Variants in SCML4 observed in about 807,000 individuals in gnomAD.
SCML4 encodes the protein Scm polycomb group protein like 4.
In SCML4, 34 loss-of-function variants were observed where a neutral mutation model predicts 41.1. That is an observed-to-expected ratio of 0.83 (90% confidence interval 0.63 to 1.10). The LOEUF (loss-of-function observed/expected upper bound fraction) is 1.10, where lower values mean the gene tolerates loss of function less well. Among genes scored for constraint, SCML4 ranks in the 50% least tolerant of loss-of-function variants. The pLI is 0.00. For synonymous variants in SCML4, 214 were observed against 220.9 expected, an observed-to-expected ratio of 0.97 and a Z score of 0.28; for missense variants, 522 against 534.1, an observed-to-expected ratio of 0.98 and a Z score of 0.22.
At chr6:107,760,160 T>C (rs1562228364) in intron 2 of SCML4, among the ~76,000 whole-genome samples, 1 of 152,202 alleles carries the variant, frequency 6.6e-6, no homozygotes, top group African/African-American at 2.4e-5. Context: ...TTAGAAGAAA[T>C]GTAGCATTCT....
chr6:107,795,258 A>G (rs763144515), intron 1 of SCML4, among the ~76,000 whole-genome samples: 4 of 152,218 alleles, frequency 2.6e-5, no homozygotes, highest in Non-Finnish European at 5.9e-5. Context: ...TTCTTGCTAT[A>G]TCCTTGGGGA....
intron 1 of SCML4, among the ~76,000 whole-genome samples, chr6:107,787,937 T>G (rs1480402119): frequency 6.6e-6 from 1 of 152,230 alleles, no homozygotes; most frequent in African/African-American, 2.4e-5. Context: ...TTGTTACTGC[T>G]ATGTAATGAC....
chr6:107,748,853 T>A (rs1778362409), intron 3 of SCML4, among the ~76,000 whole-genome samples: 2 of 151,974 alleles, frequency 1.3e-5, no homozygotes, highest in Non-Finnish European at 2.9e-5. Context: ...TGGGGAGAAG[T>A]ATGCTTGATC....
intron 1 of SCML4, among the ~76,000 whole-genome samples, chr6:107,792,583 T>A (rs999628369): frequency 6.6e-6 from 1 of 151,882 alleles, no homozygotes; most frequent in Non-Finnish European, 1.5e-5. Context: ...TACAAAAAAA[T>A]TAGCTGGGTA....
chr6:107,719,184 AC>A (rs1292592856), intron 6 of SCML4: 1 of 152,242 alleles, frequency 6.6e-6, no homozygotes, highest in Non-Finnish European at 1.5e-5. Flanking sequence ...GCCCTGTGTG[AC>A]AGTGTTGGAA....
At chr6:107,797,926 T>C (rs541516225) in intron 1 of SCML4, among the ~76,000 whole-genome samples, 2 of 152,136 alleles carry the variant, frequency 1.3e-5, no homozygotes, top group South Asian at 4.1e-4. Flanking sequence ...ATTACACTGA[T>C]GGATTTAGAA....
intron 1 of SCML4, among the ~76,000 whole-genome samples, chr6:107,778,933 C>T (rs1312517218): frequency 6.6e-6 from 1 of 152,146 alleles, no homozygotes; most frequent in East Asian, 1.9e-4. Flanking sequence ...GTAATCCCAG[C>T]GCTTTGGGAG....
chr6:107,738,834 G>A (rs7755148), intron 5 of SCML4, among the ~76,000 whole-genome samples: 3 of 152,062 alleles, frequency 2.0e-5, no homozygotes, highest in Admixed American at 6.5e-5. Flanking sequence ...CCAGCCCGGA[G>A]CTGTCAGCCT....
chr6:107,757,995 T>C lies in SCML4; in HGVS notation c.157-8182A>G, dbSNP rs182609874. On this transcript the variant is annotated intron_variant, in intron 2 of 7. Transcript: ENST00000369020. ...AATCCATCTTGAAATGGTTCCTAAG[T>C]GTTGCTTATGTAATACCTATCCTTT... is the stretch of plus-strand genomic sequence containing the variant. 3.9e-4 allele frequency among the ~76,000 whole-genome samples: 59 copies of C among 152,304 alleles called. 1 individual carries two copies. The highest frequency in any genetic ancestry group is 3.8e-3 in the Admixed American group (58 of 15,310).
intron 6 of SCML4, among the ~76,000 whole-genome samples, chr6:107,712,709 TG>T (rs1774349228): frequency 6.6e-6 from 1 of 152,066 alleles, no homozygotes; most frequent in South Asian, 2.1e-4. Context: ...GGAAGAAAAA[TG>T]GAGCTTTCCA....
chr6:107,791,137 T>G (rs1170402918), intron 1 of SCML4, among the ~76,000 whole-genome samples: 1 of 151,474 alleles, frequency 6.6e-6, no homozygotes, highest in African/African-American at 2.4e-5. Flanking sequence ...GATGTGTCAT[T>G]AGGCTAATTC....
At chr6:107,750,795 G>C (rs1778549455) in intron 2 of SCML4, among the ~76,000 whole-genome samples, 1 of 152,192 alleles carries the variant, frequency 6.6e-6, no homozygotes, top group Admixed American at 6.5e-5. Context: ...TCTGGGACAG[G>C]AGATTCTGCA....
intron 6 of SCML4, among the ~76,000 whole-genome samples, chr6:107,715,164 G>C (rs190967398): frequency 0.044 from 6,065 of 137,602 alleles, 281 homozygotes; most frequent in East Asian, 0.15. Flanking sequence ...TAGTAGGGAC[G>C]GGGTTTCACC....
At chr6:107,726,115 AG>A (rs1169024488) in intron 5 of SCML4, among the ~76,000 whole-genome samples, 3 of 151,366 alleles carry the variant, frequency 2.0e-5, no homozygotes, top group Non-Finnish European at 2.9e-5. Context: ...AGAAAGTGAA[AG>A]GACAACTCAC....
In SCML4 at chr6:107,790,808, G is replaced by A. The variant is rs1469554256; in HGVS notation, c.-59-18422C>T. ...AAACAGGCCAGGCATGGTGGCTCAT[G>A]TCTGTAATCCCAGCACTTTGGAAGG... On this transcript the variant is annotated intron_variant, in intron 1 of 7. Transcript: ENST00000369020. 2.6e-5 allele frequency among the ~76,000 whole-genome samples: 4 copies of A among 152,278 alleles called. 1 individual carries two copies. Among genetic ancestry groups the A allele is most frequent in the Admixed American group, 2.6e-4 (4 of 15,300 alleles).
chr6:107,721,584 A>G (rs1256848867), intron 5 of SCML4, among the ~76,000 whole-genome samples: 2 of 151,848 alleles, frequency 1.3e-5, no homozygotes, highest in East Asian at 3.9e-4. Flanking sequence ...CTCTGCCCTC[A>G]CAGTCTCTGC....
intron 2 of SCML4, among the ~76,000 whole-genome samples, chr6:107,766,236 G>A (rs1267570296): frequency 1.3e-5 from 2 of 152,158 alleles, no homozygotes; most frequent in African/African-American, 4.8e-5. Flanking sequence ...CGGGCGTGGT[G>A]GTGCACACCT....
Position 107,720,814 on chromosome 6 carries a change from C to A in SCML4, c.862G>T (p.Gly288Cys), listed in dbSNP as rs759603024. The A allele has an allele frequency of 3.0e-5, 49 of 1,613,944 alleles. No homozygotes were observed. Among genetic ancestry groups the A allele is most frequent in the Non-Finnish European group, 3.9e-5 (46 of 1,179,958 alleles). ...HLGGGPAATAGGPRTSPMSSG... is the reference protein window; with the variant it reads ...HLGGGPAATACGPRTSPMSSG... ...GACATGGGGCTAGTGCGGGGACCACCAGCGGTGGCAGCAGGACCACCCCCA... is the reference window on the plus strand; with the variant it reads ...GACATGGGGCTAGTGCGGGGACCACAAGCGGTGGCAGCAGGACCACCCCCA... Residue 288 changes from glycine to cysteine, a missense_variant, in exon 6 of 8, where the codon GGT becomes TGT. Gly to Cys is a radical substitution (Grantham distance 159). Coordinates refer to ENST00000369020, the MANE Select transcript of SCML4 (RefSeq NM_198081.5).
At chr6:107,734,003 G>A (rs1776813491) in intron 5 of SCML4, among the ~76,000 whole-genome samples, 1 of 152,212 alleles carries the variant, frequency 6.6e-6, no homozygotes, top group Non-Finnish European at 1.5e-5. Flanking sequence ...ATGAGGGACT[G>A]TTCGCCTCAT....
Sources: gnomAD v4.1 joint callset for allele counts (sites outside exome capture counted in the v4.1 genomes callset) on GRCh38, gnomAD v4.1.1 for gene constraint, MANE v1.5 for transcripts, NCBI Gene and HGNC (gene_info 2026-07-23, HGNC 2026-07-21) for gene names.